Variants in TRAPPC2L observed in about 807,000 individuals in gnomAD.
TRAPPC2L encodes the protein trafficking protein particle complex subunit 2L, also known as trafficking protein particle complex subunit 2-like protein.
A neutral mutation model predicts 13.2 loss-of-function variants in TRAPPC2L; 17 were observed. That is an observed-to-expected ratio of 1.29 (90% CI 0.88 to 1.93). The LOEUF is 1.93. Ranked by LOEUF, TRAPPC2L falls within the 30% of genes most tolerant of loss-of-function variation. TRAPPC2L has a pLI of 0.00. For missense variants in TRAPPC2L, 359 were observed against 252.1 expected, an observed-to-expected ratio of 1.42 and a Z score of -2.87; for synonymous variants, 150 against 98.1, an observed-to-expected ratio of 1.53 and a Z score of -3.12.
chr16:88,860,599 A>T (rs559011303), exon 4 of TRAPPC2L: 1 of 586,120 alleles, frequency 1.7e-6, no homozygotes, highest in African/African-American at 1.9e-5. Context: ...CAGGCAGGCG[A>T]ATGTCCACAG....
upstream of TRAPPC2L, chr16:88,856,636 G>A (rs1263611772): frequency 2.9e-3 from 931 of 321,710 alleles, 13 homozygotes; most frequent in African/African-American, 0.027. Context: ...CCTTCCCCAA[G>A]GGGCCTCCCC....
upstream of TRAPPC2L, chr16:88,856,480 C>A (rs1221883264): frequency 5.7e-6 from 4 of 699,878 alleles, no homozygotes; most frequent in Non-Finnish European, 1.0e-5. Context: ...CCCGGTCATG[C>A]AGCACAGTGG....
chr16:88,859,410 G>GTCTA (rs1256547127), intron 2 of TRAPPC2L: 1 of 699,820 alleles, frequency 1.4e-6, no homozygotes, highest in East Asian at 2.7e-5. Context: ...CAGACTCGGA[G>GTCTA]TCTAGGTGGT....
At chr16:88,857,539 C>T in intron 1 of TRAPPC2L, 1 of 310,284 alleles carries the variant, frequency 3.2e-6, no homozygotes, top group Non-Finnish European at 6.0e-6. Context: ...GACGGCGGCC[C>T]CGGCCCTCCT....
intron 1 of TRAPPC2L, 134 bp from the exon 2 acceptor site, chr16:88,858,485 A>G: frequency 1.1e-6 from 1 of 883,700 alleles, no homozygotes; most frequent in Non-Finnish European, 1.7e-6. Flanking sequence ...GGCATAGAGA[A>G]TGAAGCGGTG....
upstream of TRAPPC2L, chr16:88,856,910 C>G (rs768842620): frequency 2.0e-6 from 3 of 1,496,108 alleles, no homozygotes; most frequent in South Asian, 1.2e-5. Flanking sequence ...CCCCGGCCAG[C>G]GAGCCGACCT....
upstream of TRAPPC2L, chr16:88,856,892 C>G (rs746326034): frequency 6.7e-7 from 1 of 1,502,412 alleles, no homozygotes; most frequent in South Asian, 1.2e-5. Flanking sequence ...ACCACGGGAG[C>G]CGCGGAGCCC....
At position 88,859,947 on chromosome 16, in the gene TRAPPC2L, A is replaced by G. The variant is rs751767755; in HGVS notation, c.349A>G (p.Asn117Asp). 3 of 1,613,718 alleles carry G rather than the reference A, an allele frequency of 1.9e-6. No individual in the cohort carries two copies. The highest frequency in any genetic ancestry group is 2.5e-6 in the Non-Finnish European group (3 of 1,179,880). Reference sequence around the variant, plus strand: ...AGACGTGATGTGCAACCCCTTCTACAACCCGGGGGACCGCATCCAGTCCAG... The same window carrying G: ...AGACGTGATGTGCAACCCCTTCTACGACCCGGGGGACCGCATCCAGTCCAG... Residue 117 changes from asparagine to aspartate, a missense_variant, in exon 4 of 4, where the codon AAC (asparagine) becomes GAC (aspartate). Physicochemically the swap from Asn to Asp is conservative, Grantham distance 23 (BLOSUM62 1). Coordinates refer to ENST00000565504, the Ensembl canonical transcript of TRAPPC2L.
At chr16:88,857,747 C>T (rs892949392) in intron 1 of TRAPPC2L, among the ~76,000 whole-genome samples, 6 of 152,236 alleles carry the variant, frequency 3.9e-5, no homozygotes, top group Non-Finnish European at 7.3e-5. Context: ...GCCCTCTCAC[C>T]TGTGGGCCTT....
intron 1 of TRAPPC2L, 33 bp from the exon 2 acceptor site, chr16:88,858,586 T>C: frequency 6.2e-7 from 1 of 1,605,498 alleles, no homozygotes; most frequent in Non-Finnish European, 8.5e-7. Context: ...GGTGGAGTCT[T>C]GTCCTTTCAG....
chr16:88,856,606 TC>T (rs1363455345), upstream of TRAPPC2L: 102 of 164,508 alleles, frequency 6.2e-4, no homozygotes, highest in African/African-American at 8.5e-3. Flanking sequence ...CCCCTCCTCC[TC>T]CCCGCGCGGG....
chr16:88,860,903 T>C lies in TRAPPC2L; in HGVS notation c.*579T>C. 6.3e-7 allele frequency: 1 copy of C among 1,588,950 alleles called. No homozygotes were observed. Among genetic ancestry groups the C allele is most frequent in the Non-Finnish European group, 8.6e-7 (1 of 1,169,426 alleles). ...TGGCTCTCCTCTGAGTGGGTCTGTT[T>C]CTCTTAGCAGGGCCTTTGATAACAT... On this transcript the variant is annotated 3_prime_UTR_variant, in exon 4 of 4. Transcript: ENST00000565504.
chr16:88,859,680 A>C, exon 3 of TRAPPC2L: 1 of 1,613,754 alleles, frequency 6.2e-7, no homozygotes, highest in Non-Finnish European at 8.5e-7. Context: ...TACGTCACCA[A>C]CTCCAAGGTG....
exon 4 of TRAPPC2L, chr16:88,860,467 G>T (rs1288620075): frequency 2.5e-5 from 15 of 603,818 alleles, no homozygotes; most frequent in Non-Finnish European, 3.8e-5. Context: ...CTTTCAGTGA[G>T]TCCCCAGTTC....
exon 4 of TRAPPC2L, chr16:88,861,044 A>G: frequency 1.5e-6 from 2 of 1,374,452 alleles, no homozygotes; most frequent in Non-Finnish European, 2.0e-6. Flanking sequence ...CTCTTCCTGA[A>G]TGGGACGCCT....
intron 2 of TRAPPC2L, chr16:88,859,294 T>C (rs1458004643): frequency 1.6e-6 from 1 of 612,596 alleles, no homozygotes; most frequent in Admixed American, 2.1e-5. Flanking sequence ...CAAAATAATG[T>C]GGCCTCTAGA....
At chr16:88,856,406 G>A, upstream of TRAPPC2L, 1 of 701,526 alleles carries the variant, frequency 1.4e-6, no homozygotes, top group Non-Finnish European at 2.6e-6. Context: ...GGGCGGGAAA[G>A]GTCAGACGGG....
exon 4 of TRAPPC2L, chr16:88,861,083 G>A: frequency 1.1e-6 from 1 of 925,222 alleles, no homozygotes; most frequent in Non-Finnish European, 1.7e-6. Flanking sequence ...AGCTGTGCAT[G>A]TTCTCTCAAC....
exon 4 of TRAPPC2L, chr16:88,861,584 A>AC (rs757264416): frequency 2.1e-6 from 1 of 470,124 alleles, no homozygotes; most frequent in South Asian, 1.6e-5. Context: ...GACTTGAGGC[A>AC]CCCCCTCCTG....
Sources: allele counts gnomAD v4.1 joint callset (sites outside exome capture counted in the v4.1 genomes callset), GRCh38; gene constraint gnomAD v4.1.1; transcripts MANE v1.5; gene names NCBI Gene and HGNC (gene_info 2026-07-23, HGNC 2026-07-21).